The following CHD9 variants were observed in gnomAD, a reference collection of about 807,000 sequenced individuals.
CHD9 encodes the protein chromodomain helicase DNA binding protein 9.
Under a neutral mutation model 316.1 loss-of-function variants are expected in CHD9, and 77 were observed. The observed-to-expected ratio is 0.24, with a 90% confidence interval of 0.20 to 0.29. CHD9 has a LOEUF of 0.29. Ranked by LOEUF, CHD9 falls within the 10% of genes least tolerant of loss-of-function variation. The pLI is 1.00. For synonymous variants in CHD9, 1,129 were observed against 1,158.3 expected, an observed-to-expected ratio of 0.97 and a Z score of 0.51; for missense variants, 2,763 against 3,438.1, an observed-to-expected ratio of 0.80 and a Z score of 4.91.
Position 53,292,881 on chromosome 16 carries a change from C to T in CHD9, c.5339C>T (p.Ala1780Val). 1 of 1,613,720 alleles carries T rather than the reference C, an allele frequency of 6.2e-7. No individual in the cohort carries two copies. The highest frequency in any genetic ancestry group is 1.1e-5 in the South Asian group (1 of 91,074). ...GDKVYWPTQS[A>V]LTTRLRRLIT... ...AAAGTATATTGGCCTACTCAATCAG[C>T]TTTAACCACACGTTTGAGGCGTCTC... The change falls in exon 29 of 39, where the codon GCT becomes GTT. Residue 1780 changes from alanine (A) to valine (V), a missense_variant. By Grantham distance (64) the Ala-to-Val change is moderately conservative. This residue lies in a region of CHD9 where 183 missense variants were observed against 258.5 expected (regional missense o/e 0.71). Coordinates refer to ENST00000447540, the MANE Select transcript of CHD9 (RefSeq NM_001308319.2).
At chr16:53,239,228 T>A (rs2048881548) in intron 12 of CHD9, among the ~76,000 whole-genome samples, 1 of 152,120 alleles carries the variant, frequency 6.6e-6, no homozygotes. Context: ...CTATCCCTTC[T>A]AAATACATAG....
At chr16:53,213,661 T>G (rs563567417) in intron 3 of CHD9, among the ~76,000 whole-genome samples, 1 of 152,334 alleles carries the variant, frequency 6.6e-6, no homozygotes, top group African/African-American at 2.4e-5. Flanking sequence ...TAGAATTTTC[T>G]TATGGCCCTG....
chr16:53,160,731 A>ACC (rs1223913090), intron 2 of CHD9, among the ~76,000 whole-genome samples: 2 of 151,892 alleles, frequency 1.3e-5, no homozygotes, highest in Non-Finnish European at 2.9e-5. Context: ...ACATGGTGAA[A>ACC]CCCCGTCTCT....
intron 36 of CHD9, among the ~76,000 whole-genome samples, 181 bp from the exon 37 acceptor site, chr16:53,318,031 T>C (rs979312612): frequency 6.6e-6 from 1 of 152,128 alleles, no homozygotes; most frequent in Non-Finnish European, 1.5e-5. Context: ...TTCTCCAGCC[T>C]GGGCAACAGA....
chr16:53,176,820 A>C (rs2043127529), intron 2 of CHD9, among the ~76,000 whole-genome samples: 1 of 152,198 alleles, frequency 6.6e-6, no homozygotes, highest in African/African-American at 2.4e-5. Context: ...CAAAATTGTC[A>C]TTCATTCAGC....
intron 1 of CHD9, among the ~76,000 whole-genome samples, chr16:53,111,408 A>G (rs1279273434): frequency 2.0e-5 from 3 of 152,246 alleles, no homozygotes; most frequent in Non-Finnish European, 4.4e-5. Context: ...AGTCTTTTTC[A>G]AGAAAGAATT....
intron 30 of CHD9, among the ~76,000 whole-genome samples, chr16:53,301,325 C>T (rs1048429740): frequency 6.6e-6 from 1 of 152,044 alleles, no homozygotes; most frequent in African/African-American, 2.4e-5. Flanking sequence ...TAACTCAGAG[C>T]GTTTCTCAAA....
intron 27 of CHD9, among the ~76,000 whole-genome samples, chr16:53,291,486 T>C (rs2054327004): frequency 6.6e-6 from 1 of 152,196 alleles, no homozygotes; most frequent in South Asian, 2.1e-4. Flanking sequence ...ACAGTAATCA[T>C]AGAAAAGGAA....
In CHD9 at chr16:53,226,381, C is replaced by G; in HGVS notation, c.1912C>G (p.Arg638Gly). 6.4e-7 allele frequency: 1 copy of G among 1,563,086 alleles called. No individual in the cohort carries two copies. ...DQDSQKRRSNRQIKRKKYAED... is the reference protein window; with the variant it reads ...DQDSQKRRSNGQIKRKKYAED... Reference sequence around the variant, plus strand: ...TTCATTACAGAAAAGAAGATCAAATCGACAAATTAAAAGAAAAAAATACGC... The same window carrying G: ...TTCATTACAGAAAAGAAGATCAAATGGACAAATTAAAAGAAAAAAATACGC... The change falls in exon 5 of 39, where the codon CGA (arginine) becomes GGA (glycine). Residue 638 changes from arginine to glycine, a missense_variant. Arg to Gly is a moderately radical substitution (Grantham distance 125). Transcript: ENST00000447540.
chr16:53,301,483 A>C (rs1038771228), intron 30 of CHD9, among the ~76,000 whole-genome samples: 5 of 152,218 alleles, frequency 3.3e-5, no homozygotes, highest in African/African-American at 1.2e-4. Context: ...GTAATTATTT[A>C]AAAACATAAC....
intron 11 of CHD9, among the ~76,000 whole-genome samples, chr16:53,237,557 G>T (rs1185704086): frequency 6.6e-6 from 1 of 151,710 alleles, no homozygotes; most frequent in African/African-American, 2.4e-5. Context: ...ACAACTTTTG[G>T]TCCTTCAGTT....
intron 22 of CHD9, among the ~76,000 whole-genome samples, chr16:53,272,578 G>C (rs980939693): frequency 1.3e-5 from 2 of 152,164 alleles, no homozygotes; most frequent in Non-Finnish European, 2.9e-5. Context: ...AGGTGGTATA[G>C]TTATGTAATA....
rs559524403 is a variant in CHD9, at chr16:53,138,285, T to G, written c.-164-17641T>G. The stretch of plus-strand genomic sequence containing the variant: ...TTAGTAAGAAAAAAATGTTAAATAA[T>G]TTGTAGTATTCTAAGAAAAGCAGAT... On this transcript the variant is annotated intron_variant, in intron 1 of 38. Transcript: ENST00000447540. 5.9e-5 allele frequency among the ~76,000 whole-genome samples: 9 copies of G among 152,302 alleles called. No homozygotes were observed. In the East Asian group the frequency reaches 1.7e-3, roughly 29 times the overall value.
At chr16:53,229,187 C>A in intron 8 of CHD9, 87 bp downstream of exon 8, 2 of 621,884 alleles carry the variant, frequency 3.2e-6, no homozygotes, top group Non-Finnish European at 5.4e-6. Flanking sequence ...TATTTTAATT[C>A]TTAGACTTCC....
chr16:53,225,454 AAAC>A (rs1018160753), intron 4 of CHD9, among the ~76,000 whole-genome samples: 1 of 152,206 alleles, frequency 6.6e-6, no homozygotes, highest in Non-Finnish European at 1.5e-5. Context: ...TCTTTATTGT[AAAC>A]ACCAAAAGAG....
In CHD9 at chr16:53,058,904, T is replaced by C. The variant is rs554589949; in HGVS notation, c.-165+3827T>C. On this transcript the variant is annotated intron_variant, in intron 1 of 38. Transcript: ENST00000447540. Reference sequence around the variant, plus strand: ...ACACAGGGTCTTGCTCTGTCACCCATGCCTCCTGTAGTGGTATGATCATAG... The same window carrying C: ...ACACAGGGTCTTGCTCTGTCACCCACGCCTCCTGTAGTGGTATGATCATAG... Among the ~76,000 whole-genome samples the C allele has an allele frequency of 7.6e-4, 116 of 152,282 alleles. 5 individuals carry two copies. The South Asian group carries it at 0.022, about 29-fold the overall frequency.
chr16:53,209,697 T>C lies in CHD9; in HGVS notation c.1668T>C (p.Thr556=), dbSNP rs1180828236. ...PRVMSPENFP[T]ASVEGKEEKK... Reference sequence around the variant, plus strand: ...TAATGAGCCCTGAAAACTTTCCTACTGCTTCAGTTGAAGGAAAAGAGGAAA... The same window carrying C: ...TAATGAGCCCTGAAAACTTTCCTACCGCTTCAGTTGAAGGAAAAGAGGAAA... The change falls in exon 3 of 39, where the codon ACT becomes ACC. Residue 556 remains threonine (T), a synonymous_variant. Transcript: ENST00000447540. 2 of 1,613,696 alleles carry C rather than the reference T, an allele frequency of 1.2e-6. No individual in the cohort carries two copies. Among genetic ancestry groups the C allele is most frequent in the Admixed American group, 1.7e-5 (1 of 60,006 alleles).
intron 1 of CHD9, among the ~76,000 whole-genome samples, chr16:53,061,463 A>G (rs1180912273): frequency 6.6e-6 from 1 of 152,158 alleles, no homozygotes; most frequent in Non-Finnish European, 1.5e-5. Context: ...AGATCACGAG[A>G]AAAGGATTCA....
At chr16:53,296,809 A>C in intron 29 of CHD9, 147 bp from the exon 30 acceptor site, 1 of 577,350 alleles carries the variant, frequency 1.7e-6, no homozygotes, top group Non-Finnish European at 3.0e-6. Context: ...GCATTTAAAA[A>C]TGTTTTACAA....
Sources: gnomAD v4.1 joint callset for allele counts (sites outside exome capture counted in the v4.1 genomes callset) on GRCh38, gnomAD v4.1.1 for gene constraint, gnomAD v4.1.1 regional missense constraint, MANE v1.5 for transcripts, NCBI Gene and HGNC (gene_info 2026-07-23, HGNC 2026-07-21) for gene names.